The following RDH10 variants were observed in gnomAD, a reference collection of about 807,000 sequenced individuals.
The protein encoded by RDH10 is retinol dehydrogenase 10 (all-trans).
In RDH10, 12 loss-of-function variants were observed where a neutral mutation model predicts 30.2. That is an observed-to-expected ratio of 0.40 (90% CI 0.25 to 0.64). The LOEUF (loss-of-function observed/expected upper bound fraction) is 0.64, where lower values mean the gene tolerates loss of function less well. Among genes scored for constraint, RDH10 ranks in the 30% least tolerant of loss-of-function variants. The pLI is 0.43. For missense variants in RDH10, 268 were observed against 445.2 expected (o/e 0.60, Z 3.58); for synonymous variants, 189 against 172.2 (o/e 1.10, Z -0.76).
At chr8:73,302,383 A>T (rs1459056113) in intron 2 of RDH10, among the ~76,000 whole-genome samples, 1 of 152,150 alleles carries the variant, frequency 6.6e-6, no homozygotes, top group Admixed American at 6.5e-5. Context: ...AGATGTAAAA[A>T]CTTGAAAGAT....
At position 73,323,450 on chromosome 8, in the gene RDH10, G is replaced by A. The variant is rs1229478542; in HGVS notation, c.*414G>A. On this transcript the variant is annotated 3_prime_UTR_variant, in exon 6 of 6. Transcript: ENST00000240285. Reference sequence around the variant, plus strand: ...CCAGTTGACATCTTCGCAATTTCAAGGACTGATAGTGCTGTATTTTCTCAC... The same window carrying A: ...CCAGTTGACATCTTCGCAATTTCAAAGACTGATAGTGCTGTATTTTCTCAC... The A allele has an allele frequency of 6.1e-6, 1 of 164,870 alleles. No individual in the cohort carries two copies. The highest frequency in any genetic ancestry group is 1.4e-5 in the Non-Finnish European group (1 of 74,032). 10.2% of individuals were successfully genotyped at this position (164,870 alleles called of 1,614,324 possible).
chr8:73,298,283 A>G (rs752347088), intron 2 of RDH10, among the ~76,000 whole-genome samples: 1 of 152,246 alleles, frequency 6.6e-6, no homozygotes, highest in Non-Finnish European at 1.5e-5. Context: ...AAGAAGGAGT[A>G]AAGAAATAGG....
chr8:73,294,660 G>A lies in RDH10; in HGVS notation c.-630G>A, dbSNP rs1458676128. The stretch of plus-strand genomic sequence containing the variant: ...GGCTGCGCTGCGGAGCCCAGTGCCC[G>A]AGTGACACCCGCGGAGAGTGCAGGG... On this transcript the variant is annotated 5_prime_UTR_variant, in exon 1 of 6. Coordinates refer to ENST00000240285, the MANE Select transcript of RDH10 (RefSeq NM_172037.5). 1.4e-5 allele frequency: 5 copies of A among 352,820 alleles called. No homozygotes were observed. The highest frequency in any genetic ancestry group is 2.5e-5 in the Non-Finnish European group (5 of 197,308). The allele number at this position is 352,820 out of a possible 1,614,324, so 21.9% of individuals were successfully genotyped here.
At chr8:73,309,687 A>C (rs1814530105) in intron 2 of RDH10, among the ~76,000 whole-genome samples, 5 of 151,978 alleles carry the variant, frequency 3.3e-5, no homozygotes. Flanking sequence ...ATGAGAATGA[A>C]AACTTAAGGG....
At chr8:73,319,394 G>A (rs900158316) in intron 3 of RDH10, among the ~76,000 whole-genome samples, 200 bp downstream of exon 3, 6 of 152,112 alleles carry the variant, frequency 3.9e-5, no homozygotes, top group South Asian at 2.1e-4. Flanking sequence ...GTGTGGTGGC[G>A]CACACCTGTA....
intron 2 of RDH10, among the ~76,000 whole-genome samples, chr8:73,307,996 T>A (rs141571019): frequency 6.6e-6 from 1 of 152,338 alleles, no homozygotes; most frequent in Non-Finnish European, 1.5e-5. Flanking sequence ...TCTGTACTTT[T>A]CCATAGCTTG....
In RDH10 at chr8:73,319,129, A is replaced by T; in HGVS notation, c.559A>T (p.Ile187Phe). The T allele has an allele frequency of 6.2e-7, 1 of 1,613,644 alleles. No homozygotes were observed. Among genetic ancestry groups the T allele is most frequent in the Non-Finnish European group, 8.5e-7 (1 of 1,179,662 alleles). Residue 187 changes from isoleucine (I) to phenylalanine (F), a missense_variant, in exon 3 of 6, where the codon ATT becomes TTT. Coordinates refer to ENST00000240285, the MANE Select transcript of RDH10 (RefSeq NM_172037.5). ...GGCTTTTCTTCCTACGATGCTGGAG[A>T]TTAATCATGGTCATATTGTGACAGT... ...TKAFLPTMLEINHGHIVTVAS... is the reference protein window; with the variant it reads ...TKAFLPTMLEFNHGHIVTVAS...
At chr8:73,320,535 A>G (rs1028899315) in intron 3 of RDH10, among the ~76,000 whole-genome samples, 2 of 146,714 alleles carry the variant, frequency 1.4e-5, no homozygotes, top group Non-Finnish European at 3.0e-5. Flanking sequence ...CAGTGGTGTG[A>G]TCTTGGCTCA....
chr8:73,319,746 C>T (rs900210277), intron 3 of RDH10, among the ~76,000 whole-genome samples: 2 of 152,304 alleles, frequency 1.3e-5, no homozygotes, highest in African/African-American at 2.4e-5. Flanking sequence ...GGTTCACATT[C>T]GGTTGTGGTC....
At chr8:73,312,834 A>C (rs1337482503) in intron 2 of RDH10, 5 of 152,232 alleles carry the variant, frequency 3.3e-5, no homozygotes, top group Non-Finnish European at 5.9e-5. Flanking sequence ...TTTGGAAATG[A>C]ATGTCTACTC....
intron 1 of RDH10, chr8:73,295,841 G>A: frequency 7.9e-7 from 1 of 1,258,348 alleles, no homozygotes. Flanking sequence ...GGTTTCCTAA[G>A]CCCTCCGGGG....
At chr8:73,302,410 G>A (rs999628014) in intron 2 of RDH10, among the ~76,000 whole-genome samples, 1 of 152,226 alleles carries the variant, frequency 6.6e-6, no homozygotes, top group Non-Finnish European at 1.5e-5. Context: ...CTTGGGCGGG[G>A]TGCAGTGACT....
chr8:73,301,251 C>T lies in RDH10; in HGVS notation c.525+3822C>T, dbSNP rs557424303. On this transcript the variant is annotated intron_variant, in intron 2 of 5. Coordinates refer to ENST00000240285, the MANE Select transcript of RDH10 (RefSeq NM_172037.5). ...ATTTTTAGTAGAGACGGGGTTTCAC[C>T]GTGTTAGCCAGGATGGTCTCGATCT... 5.8e-3 allele frequency among the ~76,000 whole-genome samples: 863 copies of T among 149,518 alleles called. 4 individuals carry two copies. The highest frequency in any genetic ancestry group is 9.9e-3 in the Non-Finnish European group (664 of 67,136).
Position 73,295,459 on chromosome 8 carries a change from C to A in RDH10, c.170C>A (p.Ala57Asp). 6.4e-7 allele frequency: 1 copy of A among 1,551,418 alleles called. No homozygotes were observed. Among genetic ancestry groups the A allele is most frequent in the East Asian group, 2.4e-5 (1 of 41,154 alleles). Residue 57 changes from alanine (A) to aspartate (D), a missense_variant, in exon 1 of 6, where the codon GCC becomes GAC. Physicochemically the swap from Ala to Asp is moderately radical, Grantham distance 126. Transcript: ENST00000240285. ...GGCCGCCTCTTCGCGCTGGAGTTCG[C>A]CCGGCGTCGGGCGCTGCTGGTGCTG... ...GLGRLFALEF[A>D]RRRALLVLWD...
In RDH10 at chr8:73,324,863, G is replaced by A. The variant is rs1814842099; in HGVS notation, c.*1827G>A. On this transcript the variant is annotated 3_prime_UTR_variant, in exon 6 of 6. Coordinates refer to ENST00000240285, the MANE Select transcript of RDH10 (RefSeq NM_172037.5). ...GTGTCTACATATAGGAAAGGTCCTGGTGTGTGCTAATGTTCCCAATGCAGG... is the reference window on the plus strand; with the variant it reads ...GTGTCTACATATAGGAAAGGTCCTGATGTGTGCTAATGTTCCCAATGCAGG... 1 of 152,200 alleles carries A rather than the reference G, an allele frequency of 6.6e-6. No individual in the cohort carries two copies. Among genetic ancestry groups the A allele is most frequent in the African/African-American group, 2.4e-5 (1 of 41,448 alleles). 9.4% of individuals were successfully genotyped at this position (152,200 alleles called of 1,614,324 possible).
chr8:73,307,503 A>C (rs909614806), intron 2 of RDH10, among the ~76,000 whole-genome samples: 3 of 152,210 alleles, frequency 2.0e-5, no homozygotes, highest in African/African-American at 4.8e-5. Context: ...ATAGCACTTA[A>C]ATTTACAAAG....
At chr8:73,302,590 C>T (rs916344948) in intron 2 of RDH10, among the ~76,000 whole-genome samples, 16 of 152,292 alleles carry the variant, frequency 1.1e-4, no homozygotes, top group South Asian at 2.1e-4. Flanking sequence ...GAGGCTGAGG[C>T]AGGAGGCTGG....
At chr8:73,299,520 C>T (rs970977731) in intron 2 of RDH10, among the ~76,000 whole-genome samples, 6 of 152,290 alleles carry the variant, frequency 3.9e-5, no homozygotes, top group African/African-American at 1.4e-4. Flanking sequence ...GTAAAAACTG[C>T]AGTTGATTTA....
chr8:73,309,957 C>T (rs765204203), intron 2 of RDH10, among the ~76,000 whole-genome samples: 16 of 152,236 alleles, frequency 1.1e-4, no homozygotes, highest in Non-Finnish European at 1.5e-4. Flanking sequence ...GATTGAGAAA[C>T]GCTGTTCTAG....
Sources: gnomAD v4.1 joint callset for allele counts (sites outside exome capture counted in the v4.1 genomes callset) on GRCh38, gnomAD v4.1.1 for gene constraint, MANE v1.5 for transcripts, NCBI Gene and HGNC (gene_info 2026-07-23, HGNC 2026-07-21) for gene names.